The following SLC24A2 variants were observed in gnomAD, a reference collection of about 807,000 sequenced individuals.
SLC24A2 encodes the protein sodium/potassium/calcium exchanger 2.
In SLC24A2, 36 loss-of-function variants were observed where a neutral mutation model predicts 62.0. The ratio of observed to expected loss-of-function variants is 0.58; its 90% CI spans 0.44 to 0.77. The LOEUF is 0.77. Among genes scored for constraint, SLC24A2 ranks in the 30% least tolerant of loss-of-function variants. The pLI is 0.00. For synonymous variants in SLC24A2, 358 were observed against 294.0 expected (o/e 1.22, Z -2.23); for missense variants, 846 against 817.9 (o/e 1.03, Z -0.42).
chr9:20,277,671 C>T, the SLC24A2 span, among the ~76,000 whole-genome samples: 9 of 152,212 alleles, frequency 5.9e-5, no homozygotes, highest in Admixed American at 5.2e-4. Context: ...TTTTGGAAGA[C>T]AGTGTGGCGA....
the SLC24A2 span, among the ~76,000 whole-genome samples, chr9:20,282,578 A>G: frequency 6.6e-6 from 1 of 152,138 alleles, no homozygotes; most frequent in African/African-American, 2.4e-5. Flanking sequence ...GCCAGCAGCA[A>G]CCCCGCACCC....
At chr9:19,773,743 G>T (rs1186237916) in intron 2 of SLC24A2, among the ~76,000 whole-genome samples, 1 of 152,190 alleles carries the variant, frequency 6.6e-6, no homozygotes, top group Non-Finnish European at 1.5e-5. Context: ...AAACACAGAT[G>T]CTGGCAAACC....
At chr9:20,061,236 T>A in the SLC24A2 span, among the ~76,000 whole-genome samples, 1 of 151,774 alleles carries the variant, frequency 6.6e-6, no homozygotes, top group Non-Finnish European at 1.5e-5. Context: ...TAGACCTATA[T>A]GGATCAGTGG....
In SLC24A2 at chr9:19,620,572, T is replaced by G. The variant is rs76058448; in HGVS notation, c.970-880A>C. ...AATGAGTATCTAGAGATAAGGTTAC[T>G]GACAAACTCTTTTTCTTCTATCTTC... On this transcript the variant is annotated intron_variant, in intron 3 of 10. Coordinates refer to ENST00000341998, the MANE Select transcript of SLC24A2 (RefSeq NM_020344.4). 3.4e-4 allele frequency among the ~76,000 whole-genome samples: 52 copies of G among 152,338 alleles called. 2 individuals are homozygous for G. In the East Asian group the frequency reaches 6.7e-3, roughly 20 times the overall value.
chr9:20,267,982 A>T, the SLC24A2 span, among the ~76,000 whole-genome samples: 2 of 152,016 alleles, frequency 1.3e-5, no homozygotes, highest in South Asian at 4.2e-4. Flanking sequence ...CCTGGCCCCT[A>T]CTTTTCTTCC....
In SLC24A2 at chr9:19,520,956, C is replaced by G. The variant is rs763638997; in HGVS notation, c.1674G>C (p.Lys558Asn). 3 of 1,614,094 alleles carry G rather than the reference C, an allele frequency of 1.9e-6. No homozygotes were observed. Among genetic ancestry groups the G allele is most frequent in the Non-Finnish European group, 2.5e-6 (3 of 1,180,008 alleles). ...TGGACACAGCCATGTCCCCTAACCC[C>G]TTCCGGGCCACTATGACACTGGTGA... ...DLITSVIVAR[K>N]GLGDMAVSSS... Residue 558 changes from lysine to asparagine, a missense_variant, in exon 10 of 11, where the codon AAG (lysine) becomes AAC (asparagine). Physicochemically the swap from Lys to Asn is moderately conservative, Grantham distance 94. Coordinates refer to ENST00000341998, the MANE Select transcript of SLC24A2 (RefSeq NM_020344.4).
chr9:20,210,406 A>T, the SLC24A2 span, among the ~76,000 whole-genome samples: 3 of 152,348 alleles, frequency 2.0e-5, no homozygotes, highest in South Asian at 6.2e-4. Flanking sequence ...AAAGACAAAC[A>T]TTTGGCTAAA....
chr9:20,066,285 T>C, the SLC24A2 span, among the ~76,000 whole-genome samples: 2 of 152,322 alleles, frequency 1.3e-5, no homozygotes, highest in East Asian at 1.9e-4. Flanking sequence ...TGCCTTTAGA[T>C]CTTCAGGCTC....
chr9:20,185,777 A>C, the SLC24A2 span, among the ~76,000 whole-genome samples: 5 of 152,134 alleles, frequency 3.3e-5, no homozygotes, highest in Admixed American at 3.3e-4. Flanking sequence ...AAGGTGACTC[A>C]AGCACTCTAA....
chr9:20,075,381 G>A, the SLC24A2 span, among the ~76,000 whole-genome samples: 3 of 152,266 alleles, frequency 2.0e-5, no homozygotes, highest in Admixed American at 6.5e-5. Context: ...ATATTCCTAA[G>A]CTAGTTAGCA....
the SLC24A2 span, among the ~76,000 whole-genome samples, chr9:19,945,384 T>A: frequency 6.6e-6 from 1 of 152,050 alleles, no homozygotes; most frequent in South Asian, 2.1e-4. Context: ...CCTGTGGAAA[T>A]GGACTCCTTT....
At chr9:19,612,002 T>C (rs1718719786) in intron 4 of SLC24A2, among the ~76,000 whole-genome samples, 1 of 152,126 alleles carries the variant, frequency 6.6e-6, no homozygotes, top group African/African-American at 2.4e-5. Context: ...GACTCTACTA[T>C]CCTAGGACTG....
the SLC24A2 span, among the ~76,000 whole-genome samples, chr9:20,014,926 T>G: frequency 6.6e-6 from 1 of 152,198 alleles, no homozygotes; most frequent in Non-Finnish European, 1.5e-5. Context: ...GTGATAGAAA[T>G]GTTAATTAGT....
intron 2 of SLC24A2, among the ~76,000 whole-genome samples, chr9:19,710,800 A>G (rs918049315): frequency 6.6e-6 from 1 of 152,162 alleles, no homozygotes; most frequent in Non-Finnish European, 1.5e-5. Context: ...GACTAGAGAC[A>G]AGCCAGGAGG....
At chr9:19,867,979 T>A in the SLC24A2 span, among the ~76,000 whole-genome samples, 1 of 151,954 alleles carries the variant, frequency 6.6e-6, no homozygotes, top group Non-Finnish European at 1.5e-5. Context: ...GTCTTTTGAT[T>A]TTCTACTTCA....
chr9:19,755,751 A>G (rs1822120906), intron 2 of SLC24A2, among the ~76,000 whole-genome samples: 1 of 152,198 alleles, frequency 6.6e-6, no homozygotes, highest in Non-Finnish European at 1.5e-5. Flanking sequence ...TTATCTGTAG[A>G]CAGCCAACGT....
At chr9:20,226,754 C>A in the SLC24A2 span, among the ~76,000 whole-genome samples, 1 of 152,132 alleles carries the variant, frequency 6.6e-6, no homozygotes, top group Non-Finnish European at 1.5e-5. Flanking sequence ...AAATACATTA[C>A]ATATATATGT....
chr9:20,296,168 G>C, the SLC24A2 span, among the ~76,000 whole-genome samples: 1 of 152,228 alleles, frequency 6.6e-6, no homozygotes, highest in African/African-American at 2.4e-5. Flanking sequence ...CAGACTCTCA[G>C]ATGGACGGCA....
chr9:19,790,459 A>G (rs1025699183), upstream of SLC24A2, among the ~76,000 whole-genome samples: 13 of 148,988 alleles, frequency 8.7e-5, no homozygotes, highest in Non-Finnish European at 1.5e-4. Flanking sequence ...ATCAACTACC[A>G]CTAGGGTTGT....
Sources: allele counts gnomAD v4.1 joint callset (sites outside exome capture counted in the v4.1 genomes callset), GRCh38; gene constraint gnomAD v4.1.1; transcripts MANE v1.5; gene names NCBI Gene and HGNC (gene_info 2026-07-23, HGNC 2026-07-21).